The following SNAI2 variants were observed in gnomAD, a reference collection of about 807,000 sequenced individuals.
The protein encoded by SNAI2 is snail family transcriptional repressor 2.
In SNAI2, 2 loss-of-function variants were observed where a neutral mutation model predicts 22.4. That is an observed-to-expected ratio of 0.09 (90% CI 0.04 to 0.28). SNAI2 has a LOEUF of 0.28. Ranked by LOEUF, SNAI2 falls within the 10% of genes least tolerant of loss-of-function variation. The pLI, the probability that SNAI2 is intolerant of heterozygous loss-of-function variation, is 1.00. For synonymous variants in SNAI2, 134 were observed against 123.0 expected (o/e 1.09, Z -0.59); for missense variants, 239 against 320.8 (o/e 0.75, Z 1.95).
Position 48,918,459 on chromosome 8 carries a change from T to C in SNAI2, c.*348A>G. On this transcript the variant is annotated 3_prime_UTR_variant, in exon 3 of 3. Transcript: ENST00000020945. ...TACTGTTCTTTTCAGTTGAAATGAT[T>C]TGGCAGCAATGTAAATCTTTGCATT... The C allele has an allele frequency of 3.3e-6, 1 of 306,490 alleles. No individual in the cohort carries two copies. The highest frequency in any genetic ancestry group is 6.2e-6 in the Non-Finnish European group (1 of 160,580). 19.0% of individuals were successfully genotyped at this position (306,490 alleles called of 1,614,324 possible). A position where few individuals can be genotyped will look rare whatever the true frequency, so the allele number is the denominator to read the frequency against.
rs571909363 is a variant in SNAI2 at position 48,919,791 on chromosome 8, T to C, written c.625+105A>G. 3.2e-4 allele frequency: 370 copies of C among 1,174,316 alleles called. No individual in the cohort carries two copies. In the East Asian group the frequency reaches 8.4e-3, roughly 27 times the overall value. 72.7% of individuals were successfully genotyped at this position (1,174,316 alleles called of 1,614,324 possible). ...GTCAGGAAGTAGCTATCAATGACTG[T>C]CCATCATTAAAAGCACTATGTCACA... On this transcript the variant is annotated intron_variant, in intron 2 of 2. Transcript: ENST00000020945.
chr8:48,919,861 C>A, intron 2 of SNAI2, 35 bp downstream of exon 2: 1 of 1,603,228 alleles, frequency 6.2e-7, no homozygotes, highest in South Asian at 1.1e-5. Flanking sequence ...CATTGTATCT[C>A]AGAGTAACAT....
Position 48,921,289 on chromosome 8 carries a change from C to A in SNAI2, c.-24G>T. ...ATCTTGCCAGCGGGTCTGGCGGGCG[C>A]CCGGCGCGGATAACGGTCCGGCGGG... On this transcript the variant is annotated 5_prime_UTR_variant, in exon 1 of 3. Coordinates refer to ENST00000020945, the MANE Select transcript of SNAI2 (RefSeq NM_003068.5). 1.9e-6 allele frequency: 3 copies of A among 1,601,816 alleles called. No homozygotes were observed. Among genetic ancestry groups the A allele is most frequent in the Non-Finnish European group, 2.6e-6 (3 of 1,172,186 alleles).
In SNAI2 at chr8:48,920,193, C is replaced by T; in HGVS notation, c.328G>A (p.Glu110Lys). 1 of 1,614,212 alleles carries T rather than the reference C, an allele frequency of 6.2e-7. No homozygotes were observed. The highest frequency in any genetic ancestry group is 8.5e-7 in the Non-Finnish European group (1 of 1,180,042). The change falls in exon 2 of 3, where the codon GAG becomes AAG. Residue 110 changes from glutamate (E) to lysine (K), a missense_variant. Transcript: ENST00000020945. ...SGSESPISDE[E>K]ERLQSKLSDP... Reference sequence around the variant, plus strand: ...GAAAGCTTGGACTGTAGTCTTTCCTCTTCATCACTAATGGGGCTTTCTGAG... The same window carrying T: ...GAAAGCTTGGACTGTAGTCTTTCCTTTTCATCACTAATGGGGCTTTCTGAG...
At chr8:48,920,960 C>T (rs552213980) in intron 1 of SNAI2, among the ~76,000 whole-genome samples, 1 of 152,170 alleles carries the variant, frequency 6.6e-6, no homozygotes, top group African/African-American at 2.4e-5. Context: ...GCAAACGAAG[C>T]TGCGAGATTT....
At chr8:48,920,565 T>C (rs940359723) in intron 1 of SNAI2, 124 bp from the exon 2 acceptor site, 7 of 873,528 alleles carry the variant, frequency 8.0e-6, no homozygotes, top group African/African-American at 3.3e-5. Context: ...AGGAAGAAGA[T>C]AGACCCATTT....
chr8:48,920,397 T>A lies in SNAI2; in HGVS notation c.124A>T (p.Ile42Leu). 6.2e-7 allele frequency: 1 copy of A among 1,614,134 alleles called. No homozygotes were observed. Among genetic ancestry groups the A allele is most frequent in the Non-Finnish European group, 8.5e-7 (1 of 1,180,014 alleles). Residue 42 changes from isoleucine (I) to leucine (L), a missense_variant, in exon 2 of 3, where the codon ATA (isoleucine) becomes TTA (leucine). Transcript: ENST00000020945. ...YLYESYSMPV[I>L]PQPEILSSGA... ...GAGCTGAGGATCTCTGGTTGTGGTATGACAGGCATGGAGTAACTCTCATAG... is the reference window on the plus strand; with the variant it reads ...GAGCTGAGGATCTCTGGTTGTGGTAAGACAGGCATGGAGTAACTCTCATAG...
chr8:48,918,657 G>T lies in SNAI2; in HGVS notation c.*150C>A. On this transcript the variant is annotated 3_prime_UTR_variant, in exon 3 of 3. Coordinates refer to ENST00000020945, the MANE Select transcript of SNAI2 (RefSeq NM_003068.5). ...CATGCTCTTGCAGCTCTCTCTCTGTGGGTGTGTGTGTGTGTGTGTGCATAT... is the reference window on the plus strand; with the variant it reads ...CATGCTCTTGCAGCTCTCTCTCTGTTGGTGTGTGTGTGTGTGTGTGCATAT... 1 of 712,826 alleles carries T rather than the reference G, an allele frequency of 1.4e-6. No homozygotes were observed. 44.2% of individuals were successfully genotyped at this position (712,826 alleles called of 1,614,324 possible). A position where few individuals can be genotyped will look rare whatever the true frequency, so the allele number is the denominator to read the frequency against.
chr8:48,921,312 G>A lies in SNAI2; in HGVS notation c.-47C>T. ...CGCCCGGCGCGGATAACGGTCCGGC[G>A]GGAGGACACGGCGGTCCCTACAGCA... On this transcript the variant is annotated 5_prime_UTR_variant, in exon 1 of 3. Transcript: ENST00000020945. 1.4e-6 allele frequency: 2 copies of A among 1,442,224 alleles called. No homozygotes were observed. Among genetic ancestry groups the A allele is most frequent in the Non-Finnish European group, 1.9e-6 (2 of 1,030,946 alleles). The allele number at this position is 1,442,224 out of a possible 1,614,324, so 89.3% of individuals were successfully genotyped here. A position where few individuals can be genotyped will look rare whatever the true frequency, so the allele number is the denominator to read the frequency against.
chr8:48,919,007 A>G lies in SNAI2; in HGVS notation c.626-19T>C, dbSNP rs1227339937. The stretch of plus-strand genomic sequence containing the variant: ...TTCTCCCCTGGGGGTGGAGTGGGAG[A>G]AAAAAAGAAAGACAGTCAGTGTTTT... On this transcript the variant is annotated intron_variant, in intron 2 of 2. Coordinates refer to ENST00000020945, the MANE Select transcript of SNAI2 (RefSeq NM_003068.5). 2.5e-6 allele frequency: 4 copies of G among 1,610,030 alleles called. No individual in the cohort carries two copies. Among genetic ancestry groups the G allele is most frequent in the Admixed American group, 3.3e-5 (2 of 59,956 alleles).
rs200224543 is a variant in SNAI2 at position 48,918,801 on chromosome 8, C to T, written c.*6G>A. ...ATTCTGTTCGAGTAAACATTGATTG[C>T]GTCACTCAGTGTGCTACACAGCAGC... On this transcript the variant is annotated 3_prime_UTR_variant, in exon 3 of 3. Transcript: ENST00000020945. 8.1e-6 allele frequency: 13 copies of T among 1,613,558 alleles called. No individual in the cohort carries two copies. In the East Asian group the frequency reaches 8.9e-5, roughly 11 times the overall value.
chr8:48,918,791 A>G lies in SNAI2; in HGVS notation c.*16T>C. On this transcript the variant is annotated 3_prime_UTR_variant, in exon 3 of 3. Coordinates refer to ENST00000020945, the MANE Select transcript of SNAI2 (RefSeq NM_003068.5). ...GAAGAAATGCATTCTGTTCGAGTAA[A>G]CATTGATTGCGTCACTCAGTGTGCT... The G allele has an allele frequency of 6.2e-7, 1 of 1,613,676 alleles. No individual in the cohort carries two copies. The highest frequency in any genetic ancestry group is 8.5e-7 in the Non-Finnish European group (1 of 1,179,612).
intron 1 of SNAI2, 60 bp from the exon 2 acceptor site, chr8:48,920,501 A>C: frequency 7.3e-7 from 1 of 1,372,350 alleles, no homozygotes; most frequent in Non-Finnish European, 1.0e-6. Context: ...ATAAATCCAC[A>C]CGCAAGTATA....
Position 48,920,276 on chromosome 8 carries a change from G to C in SNAI2, c.245C>G (p.Ser82Cys), listed in dbSNP as rs1364642218. Residue 82 changes from serine (S) to cysteine (C), a missense_variant, in exon 2 of 3, where the codon TCT (serine) becomes TGT (cysteine). Around this residue, in one of 3 missense-constraint regions of SNAI2, gnomAD observed 183 missense variants for 190.4 expected, o/e 0.96. Coordinates refer to ENST00000020945, the MANE Select transcript of SNAI2 (RefSeq NM_003068.5). ...GLSPLSGYSS[S>C]LGRVSPPPPS... ...AGGAGGGGGACTCACTCGCCCCAAAGATGAGGAGTATCCGGAAAGAGGAGA... is the reference window on the plus strand; with the variant it reads ...AGGAGGGGGACTCACTCGCCCCAAACATGAGGAGTATCCGGAAAGAGGAGA... 1 of 1,613,642 alleles carries C rather than the reference G, an allele frequency of 6.2e-7. No individual in the cohort carries two copies. The highest frequency in any genetic ancestry group is 1.7e-5 in the Admixed American group (1 of 59,986).
chr8:48,919,835 A>C, intron 2 of SNAI2, 61 bp downstream of exon 2: 2 of 1,540,534 alleles, frequency 1.3e-6, no homozygotes, highest in Non-Finnish European at 1.8e-6. Flanking sequence ...CAAATCCAAC[A>C]GCCAGCCCAG....
At chr8:48,919,405 A>G (rs1199914558) in intron 2 of SNAI2, among the ~76,000 whole-genome samples, 1 of 152,234 alleles carries the variant, frequency 6.6e-6, no homozygotes, top group African/African-American at 2.4e-5. Context: ...CGAATAAGAA[A>G]TTAAGGAGCA....
chr8:48,919,717 G>A (rs1806133376), intron 2 of SNAI2, among the ~76,000 whole-genome samples, 179 bp downstream of exon 2: 1 of 152,230 alleles, frequency 6.6e-6, no homozygotes, highest in Non-Finnish European at 1.5e-5. Context: ...TGGAGCAGAG[G>A]TTGTTAGCAA....
chr8:48,919,940 A>G lies in SNAI2; in HGVS notation c.581T>C (p.Phe194Ser). 6.2e-7 allele frequency: 1 copy of G among 1,614,180 alleles called. No individual in the cohort carries two copies. The highest frequency in any genetic ancestry group is 8.5e-7 in the Non-Finnish European group (1 of 1,180,042). The change falls in exon 2 of 3, where the codon TTT becomes TCT. Residue 194 changes from phenylalanine (F) to serine (S), a missense_variant. Coordinates refer to ENST00000020945, the MANE Select transcript of SNAI2 (RefSeq NM_003068.5). ...TCCTTGAAGCAACCAGGGTCTGGAA[A>G]ACGCCTTGCCGCAGATCTTGCAAAC... Reference protein sequence around the residue: ...PCVCKICGKAFSRPWLLQGHI... With the variant: ...PCVCKICGKASSRPWLLQGHI...
Position 48,918,957 on chromosome 8 carries a change from G to C in SNAI2, c.657C>G (p.Asn219Lys). ...GATTTGACCTGTCTGCAAATGCTCT[G>C]TTGCAGTGAGGGCAAGAAAAAGGCT... The part of the protein sequence containing the change: ...GEKPFSCPHC[N>K]RAFADRSNLR... The change falls in exon 3 of 3, where the codon AAC becomes AAG. Residue 219 changes from asparagine to lysine, a missense_variant. Transcript: ENST00000020945. The C allele has an allele frequency of 6.2e-7, 1 of 1,614,020 alleles. No individual in the cohort carries two copies. Among genetic ancestry groups the C allele is most frequent in the Non-Finnish European group, 8.5e-7 (1 of 1,179,998 alleles).
Sources: gnomAD v4.1 joint callset for allele counts (sites outside exome capture counted in the v4.1 genomes callset) on GRCh38, gnomAD v4.1.1 for gene constraint, gnomAD v4.1.1 regional missense constraint, MANE v1.5 for transcripts, NCBI Gene and HGNC (gene_info 2026-07-23, HGNC 2026-07-21) for gene names.